ADGRL3: variants seen among roughly 807,000 people sequenced by gnomAD.
The protein encoded by ADGRL3 is adhesion G protein-coupled receptor L3, also known as calcium-independent alpha-latrotoxin receptor 3.
In ADGRL3, 62 loss-of-function variants were observed where a neutral mutation model predicts 153.5. The ratio of observed to expected loss-of-function variants is 0.40; its 90% CI spans 0.33 to 0.50. The LOEUF is 0.50. Ranked by LOEUF, ADGRL3 falls within the 20% of genes least tolerant of loss-of-function variation. The probability of loss-of-function intolerance (pLI) is 0.47; values close to 1 mark genes in which losing one functional copy is unlikely to be tolerated. For synonymous variants in ADGRL3, 710 were observed against 672.5 expected (o/e 1.06, Z -0.86); for missense variants, 1,641 against 1,859.4 (o/e 0.88, Z 2.16).
intron 4 of ADGRL3, among the ~76,000 whole-genome samples, chr4:61,559,294 G>A (rs181515380): frequency 4.6e-5 from 7 of 151,950 alleles, no homozygotes; most frequent in African/African-American, 1.4e-4. Flanking sequence ...AACAAAATCT[G>A]CTTGTAGAGA....
At chr4:61,671,477 A>G (rs768910593) in intron 5 of ADGRL3, among the ~76,000 whole-genome samples, 1 of 152,212 alleles carries the variant, frequency 6.6e-6, no homozygotes, top group African/African-American at 2.4e-5. Context: ...AACCTGATCA[A>G]TAGGTGACAG....
intron 2 of ADGRL3, among the ~76,000 whole-genome samples, chr4:61,389,227 G>T (rs1175000621): frequency 6.6e-6 from 1 of 152,158 alleles, no homozygotes; most frequent in African/African-American, 2.4e-5. Flanking sequence ...CAACAATGGG[G>T]ATTGAGTGGG....
At chr4:61,469,497 T>A (rs912807963) in intron 2 of ADGRL3, among the ~76,000 whole-genome samples, 1 of 152,044 alleles carries the variant, frequency 6.6e-6, no homozygotes, top group Non-Finnish European at 1.5e-5. Flanking sequence ...AGTTTGTGTG[T>A]GGGTAGGTGT....
intron 7 of ADGRL3, among the ~76,000 whole-genome samples, chr4:61,731,005 A>G (rs982594552): frequency 6.6e-6 from 1 of 151,966 alleles, no homozygotes; most frequent in Non-Finnish European, 1.5e-5. Context: ...ATTTTGGGGA[A>G]AAGGGAAAAA....
chr4:61,988,169 A>G (rs1029206852), intron 19 of ADGRL3, among the ~76,000 whole-genome samples: 4 of 152,110 alleles, frequency 2.6e-5, no homozygotes, highest in Admixed American at 1.3e-4. Context: ...TGATTCTGAG[A>G]AGTTGCTTAG....
chr4:61,610,751 A>G (rs1158455275), intron 5 of ADGRL3, among the ~76,000 whole-genome samples: 1 of 152,180 alleles, frequency 6.6e-6, no homozygotes, highest in Non-Finnish European at 1.5e-5. Context: ...AAGTGACTTT[A>G]ATCGTGGCAA....
intron 2 of ADGRL3, among the ~76,000 whole-genome samples, chr4:61,451,993 C>G (rs2097680522): frequency 6.6e-6 from 1 of 152,178 alleles, no homozygotes; most frequent in Non-Finnish European, 1.5e-5. Flanking sequence ...TGCCATCTAC[C>G]TACATAAATC....
intron 4 of ADGRL3, among the ~76,000 whole-genome samples, chr4:61,585,858 C>G (rs1302101736): frequency 6.6e-6 from 1 of 151,928 alleles, no homozygotes; most frequent in Non-Finnish European, 1.5e-5. Context: ...AACATCTAAA[C>G]TTAAACGTCA....
At chr4:61,485,650 T>C (rs935587437) in intron 2 of ADGRL3, among the ~76,000 whole-genome samples, 1 of 152,174 alleles carries the variant, frequency 6.6e-6, no homozygotes, top group African/African-American at 2.4e-5. Context: ...TCAAAGAAAG[T>C]GTAAGTAAAT....
intron 15 of ADGRL3, among the ~76,000 whole-genome samples, chr4:61,939,621 C>T (rs1271778370): frequency 2.0e-5 from 3 of 152,136 alleles, no homozygotes; most frequent in African/African-American, 7.2e-5. Flanking sequence ...AAGCATGTGC[C>T]ACCACGCCTG....
At chr4:61,362,326 TTATA>T (rs373888895) in intron 1 of ADGRL3, among the ~76,000 whole-genome samples, 6 of 144,624 alleles carry the variant, frequency 4.1e-5, no homozygotes, top group East Asian at 2.0e-4. Flanking sequence ...TATTTGAAAA[TTATA>T]TATATATATA....
chr4:61,311,062 T>A (rs2094984193), intron 1 of ADGRL3, among the ~76,000 whole-genome samples: 1 of 152,126 alleles, frequency 6.6e-6, no homozygotes, highest in Admixed American at 6.6e-5. Flanking sequence ...AAAAATCTAA[T>A]GTTTTCTGAG....
intron 1 of ADGRL3, among the ~76,000 whole-genome samples, chr4:61,331,834 A>T (rs948460140): frequency 3.2e-4 from 48 of 152,080 alleles, no homozygotes; most frequent in Admixed American, 3.1e-3. Flanking sequence ...ATATAAATGC[A>T]TGCATTGTCA....
At chr4:61,388,270 G>A (rs2096763157) in intron 2 of ADGRL3, among the ~76,000 whole-genome samples, 6 of 152,256 alleles carry the variant, frequency 3.9e-5, no homozygotes, top group South Asian at 4.1e-4. Context: ...CTACCATACA[G>A]CATTTAGAAT....
intron 4 of ADGRL3, among the ~76,000 whole-genome samples, chr4:61,539,669 A>G (rs2098679010): frequency 6.6e-6 from 1 of 152,120 alleles, no homozygotes; most frequent in South Asian, 2.1e-4. Flanking sequence ...TACCTGTCCA[A>G]GCTGGCTACT....
At chr4:61,717,696 T>G (rs1214881529) in intron 6 of ADGRL3, among the ~76,000 whole-genome samples, 1 of 152,166 alleles carries the variant, frequency 6.6e-6, no homozygotes, top group African/African-American at 2.4e-5. Flanking sequence ...TAAAATGCCC[T>G]CAAATGTAAG....
intron 2 of ADGRL3, among the ~76,000 whole-genome samples, chr4:61,413,233 A>C (rs2097108031): frequency 6.6e-6 from 1 of 152,138 alleles, no homozygotes; most frequent in South Asian, 2.1e-4. Context: ...CCTTACTGAG[A>C]TGGGTATGAG....
intron 5 of ADGRL3, among the ~76,000 whole-genome samples, chr4:61,641,332 A>G (rs2093658252): frequency 6.6e-6 from 1 of 151,450 alleles, no homozygotes; most frequent in Non-Finnish European, 1.5e-5. Flanking sequence ...TTTGGGGTAA[A>G]TGTGCAGGTT....
At chr4:61,827,021 CA>C (rs559284819) in intron 9 of ADGRL3, among the ~76,000 whole-genome samples, 34 of 152,186 alleles carry the variant, frequency 2.2e-4, no homozygotes, top group African/African-American at 7.7e-4. Context: ...GTCCCGTGGG[CA>C]AAATGGGTTC....
Sources: allele counts gnomAD v4.1 joint callset (sites outside exome capture counted in the v4.1 genomes callset), GRCh38; gene constraint gnomAD v4.1.1; transcripts MANE v1.5; gene names NCBI Gene and HGNC (gene_info 2026-07-23, HGNC 2026-07-21).